Variants in PCDH7 observed in about 807,000 individuals in gnomAD.
PCDH7 encodes the protein protocadherin-7.
PCDH7 carries 17 observed loss-of-function variants against 58.9 expected under a neutral mutation model. The ratio of observed to expected loss-of-function variants is 0.29; its 90% CI spans 0.20 to 0.43. PCDH7 has a LOEUF of 0.43. Among genes scored for constraint, PCDH7 ranks in the 20% least tolerant of loss-of-function variants. PCDH7 has a pLI of 1.00. For synonymous variants in PCDH7, 664 were observed against 616.4 expected, an observed-to-expected ratio of 1.08 and a Z score of -1.14; for missense variants, 1,274 against 1,441.0, an observed-to-expected ratio of 0.88 and a Z score of 1.88.
chr4:30,834,356 TA>T (rs1278260507), intron 1 of PCDH7, among the ~76,000 whole-genome samples: 1 of 152,156 alleles, frequency 6.6e-6, no homozygotes, highest in African/African-American at 2.4e-5. Context: ...CTCATCACGA[TA>T]AAGCAATATA....
chr4:31,078,209 G>A (rs147660938), intron 3 of PCDH7, among the ~76,000 whole-genome samples: 2,239 of 152,248 alleles, frequency 0.015, 22 homozygotes, highest in Middle Eastern at 0.031. Context: ...AAGCTTATGT[G>A]AACCTTTCAA....
chr4:30,937,812 A>G (rs755863085), intron 2 of PCDH7, among the ~76,000 whole-genome samples: 3 of 151,942 alleles, frequency 2.0e-5, no homozygotes, highest in Non-Finnish European at 4.4e-5. Context: ...TTTATTTGAC[A>G]TATGGAATCA....
At chr4:30,772,117 G>C (rs896747139) in intron 1 of PCDH7, among the ~76,000 whole-genome samples, 1 of 152,064 alleles carries the variant, frequency 6.6e-6, no homozygotes. Flanking sequence ...TGATCCGCCC[G>C]CCTAAGACTC....
chr4:31,033,915 G>C (rs1474390222), intron 3 of PCDH7, among the ~76,000 whole-genome samples: 1 of 152,108 alleles, frequency 6.6e-6, no homozygotes, highest in Non-Finnish European at 1.5e-5. Flanking sequence ...CCAACATGGT[G>C]AAACCCCATC....
intron 1 of PCDH7, among the ~76,000 whole-genome samples, chr4:30,808,302 T>C (rs1319076042): frequency 6.6e-6 from 1 of 152,234 alleles, no homozygotes; most frequent in Middle Eastern, 3.2e-3. Flanking sequence ...GTTAAGAAGA[T>C]GTTTGAATAA....
At chr4:31,132,875 C>G (rs1719159602) in intron 3 of PCDH7, among the ~76,000 whole-genome samples, 1 of 152,116 alleles carries the variant, frequency 6.6e-6, no homozygotes, top group Non-Finnish European at 1.5e-5. Context: ...CAAGTTTTTT[C>G]AGGTTGGTGA....
chr4:30,780,421 C>A (rs1577770931), intron 1 of PCDH7, among the ~76,000 whole-genome samples: 1 of 151,554 alleles, frequency 6.6e-6, no homozygotes, highest in Non-Finnish European at 1.5e-5. Context: ...GCAGGAGAAT[C>A]GCTTGAACCC....
chr4:30,792,686 A>G (rs1204238687), intron 1 of PCDH7, among the ~76,000 whole-genome samples: 2 of 152,132 alleles, frequency 1.3e-5, no homozygotes, highest in Non-Finnish European at 2.9e-5. Context: ...GCTACTGCTC[A>G]ATTGTGTCAG....
At chr4:31,030,369 A>G (rs1754799408) in intron 3 of PCDH7, among the ~76,000 whole-genome samples, 1 of 152,170 alleles carries the variant, frequency 6.6e-6, no homozygotes. Flanking sequence ...TATTTGCTCA[A>G]TTACCAATAA....
intron 1 of PCDH7, among the ~76,000 whole-genome samples, chr4:30,760,807 C>G (rs1008808597): frequency 6.6e-6 from 1 of 152,176 alleles, no homozygotes; most frequent in African/African-American, 2.4e-5. Context: ...TTTGACTTCT[C>G]TCCCCTCCTT....
intron 3 of PCDH7, among the ~76,000 whole-genome samples, chr4:31,125,603 A>T (rs1212981394): frequency 6.6e-6 from 1 of 152,164 alleles, no homozygotes; most frequent in Non-Finnish European, 1.5e-5. Context: ...TTTATCTTTT[A>T]TCTTTTCCCA....
chr4:31,120,133 T>G (rs1296178109), intron 3 of PCDH7, among the ~76,000 whole-genome samples: 1 of 152,074 alleles, frequency 6.6e-6, no homozygotes, highest in Admixed American at 6.6e-5. Context: ...TGTAACAAAG[T>G]CAATGGCAAA....
chr4:31,106,738 C>T (rs1426643128), intron 3 of PCDH7, among the ~76,000 whole-genome samples: 1 of 152,176 alleles, frequency 6.6e-6, no homozygotes, highest in African/African-American at 2.4e-5. Context: ...GAATTGGCCA[C>T]ACTCATGTTG....
intron 3 of PCDH7, among the ~76,000 whole-genome samples, chr4:30,994,721 T>C (rs918525225): frequency 1.3e-5 from 2 of 152,226 alleles, no homozygotes; most frequent in Non-Finnish European, 2.9e-5. Flanking sequence ...ATATAAACTT[T>C]GAAAATGTAT....
chr4:30,845,819 C>T (rs1027405973), intron 1 of PCDH7, among the ~76,000 whole-genome samples: 1 of 152,110 alleles, frequency 6.6e-6, no homozygotes, highest in African/African-American at 2.4e-5. Flanking sequence ...TCTTGAACTC[C>T]TGACCTCAAG....
chr4:31,034,907 A>T (rs550568543), intron 3 of PCDH7, among the ~76,000 whole-genome samples: 1 of 152,224 alleles, frequency 6.6e-6, no homozygotes, highest in African/African-American at 2.4e-5. Context: ...GGTAATTTAC[A>T]CCTGTTACCT....
intron 3 of PCDH7, among the ~76,000 whole-genome samples, chr4:31,041,046 G>C (rs1755820853): frequency 6.6e-6 from 1 of 152,138 alleles, no homozygotes; most frequent in African/African-American, 2.4e-5. Flanking sequence ...CTGTTTACCG[G>C]GGCTTGCATT....
chr4:31,107,141 T>C (rs1242567426), intron 3 of PCDH7, among the ~76,000 whole-genome samples: 1 of 152,180 alleles, frequency 6.6e-6, no homozygotes, highest in African/African-American at 2.4e-5. Flanking sequence ...ACAATCTTCA[T>C]GGGCACTCAA....
Position 30,814,307 on chromosome 4 carries a change from T to C in PCDH7, c.70+89711T>C, listed in dbSNP as rs372156777. 7.2e-5 allele frequency among the ~76,000 whole-genome samples: 11 copies of C among 152,184 alleles called. No individual in the cohort carries two copies. In the East Asian group the frequency reaches 1.2e-3, roughly 16 times the overall value. ...AATAACATTAATCACATTTTGACAA[T>C]TATTTTCATCATGCCTTGCAATTTT... On this transcript the variant is annotated intron_variant, in intron 1 of 3. Transcript: ENST00000509759.
Sources: allele counts gnomAD v4.1 joint callset (sites outside exome capture counted in the v4.1 genomes callset), GRCh38; gene constraint gnomAD v4.1.1; transcripts MANE v1.5; gene names NCBI Gene and HGNC (gene_info 2026-07-23, HGNC 2026-07-21).